Variants in REC114 observed in about 807,000 individuals in gnomAD.
The protein encoded by REC114 is REC114 meiotic recombination protein.
A neutral mutation model predicts 31.3 loss-of-function variants in REC114; 27 were observed. The observed-to-expected ratio is 0.86, with a 90% confidence interval of 0.64 to 1.19. The LOEUF is 1.19. Among genes scored for constraint, REC114 ranks in the 50% most tolerant of loss-of-function variants. The probability of loss-of-function intolerance (pLI) is 0.00; values close to 1 mark genes in which losing one functional copy is unlikely to be tolerated. For missense variants in REC114, 344 were observed against 326.9 expected, an observed-to-expected ratio of 1.05 and a Z score of -0.40; for synonymous variants, 134 against 127.7, an observed-to-expected ratio of 1.05 and a Z score of -0.33.
intron 1 of REC114, among the ~76,000 whole-genome samples, chr15:73,443,904 C>A (rs140305241): frequency 5.8e-4 from 89 of 152,260 alleles, no homozygotes; most frequent in Non-Finnish European, 7.2e-4. Flanking sequence ...TACAGGCCCT[C>A]AGAAATATTG....
chr15:73,523,068 C>T (rs1015797664), intron 2 of REC114, among the ~76,000 whole-genome samples: 8 of 152,050 alleles, frequency 5.3e-5, no homozygotes, highest in Non-Finnish European at 1.0e-4. Context: ...TTAGTATTAT[C>T]TTCCTTTGTG....
chr15:73,464,414 C>A (rs1202423304), intron 1 of REC114, among the ~76,000 whole-genome samples: 2 of 151,884 alleles, frequency 1.3e-5, no homozygotes, highest in African/African-American at 4.8e-5. Flanking sequence ...GCAGCTTGTT[C>A]CCCCGGGAGC....
intron 2 of REC114, among the ~76,000 whole-genome samples, chr15:73,514,506 AT>A (rs1893831744): frequency 6.6e-6 from 1 of 152,080 alleles, no homozygotes; most frequent in Non-Finnish European, 1.5e-5. Context: ...ACCCAATTCT[AT>A]TTCTCCAAAT....
intron 2 of REC114, among the ~76,000 whole-genome samples, chr15:73,488,823 G>A (rs1247007629): frequency 6.6e-6 from 1 of 152,028 alleles, no homozygotes; most frequent in Non-Finnish European, 1.5e-5. Flanking sequence ...AGCAATATGG[G>A]CCTTTTCCAG....
chr15:73,493,018 A>T (rs1044059651), intron 2 of REC114, among the ~76,000 whole-genome samples: 58 of 145,806 alleles, frequency 4.0e-4, no homozygotes, highest in South Asian at 6.5e-4. Flanking sequence ...TTTTATTTTT[A>T]TTTATTTATT....
intron 2 of REC114, among the ~76,000 whole-genome samples, chr15:73,528,281 C>T (rs1427376010): frequency 6.6e-6 from 1 of 151,992 alleles, no homozygotes; most frequent in Non-Finnish European, 1.5e-5. Context: ...ATTTTGCAAC[C>T]CCAGATGAAT....
intron 1 of REC114, among the ~76,000 whole-genome samples, chr15:73,462,000 C>G (rs544285624): frequency 1.7e-4 from 24 of 140,852 alleles, no homozygotes; most frequent in African/African-American, 5.9e-4. Flanking sequence ...GGTGCGATCT[C>G]GGCTCACTGC....
In REC114 at chr15:73,551,141, G is replaced by A; in HGVS notation, c.537G>A (p.Arg179=). 6.2e-7 allele frequency: 1 copy of A among 1,603,854 alleles called. No homozygotes were observed. The highest frequency in any genetic ancestry group is 8.5e-7 in the Non-Finnish European group (1 of 1,175,244). The change falls in exon 4 of 6, where the codon CGG becomes CGA. Residue 179 remains arginine (R), a synonymous_variant. Transcript: ENST00000331090. ...QGKDSAKSVP[R]QPGSHQHSEQ... is the part of the protein sequence containing the mutation. ...AGGATTCTGCAAAGAGTGTCCCACG[G>A]CAGCCTGGAGTAAGTAGGCTGATGT... is the stretch of plus-strand genomic sequence containing the variant.
chr15:73,513,179 C>CTTCATTTCA (rs1372321701), intron 2 of REC114, among the ~76,000 whole-genome samples: 3 of 147,736 alleles, frequency 2.0e-5, no homozygotes, highest in Non-Finnish European at 3.0e-5. Flanking sequence ...TCCCTTCTCG[C>CTTCATTTCA]TTCATTTCAT....
At chr15:73,444,449 A>G (rs1892739871) in intron 1 of REC114, among the ~76,000 whole-genome samples, 1 of 152,248 alleles carries the variant, frequency 6.6e-6, no homozygotes, top group Non-Finnish European at 1.5e-5. Context: ...AGTAGATGCC[A>G]TCTTAGGAAA....
At chr15:73,481,559 C>G (rs1893293679) in intron 2 of REC114, among the ~76,000 whole-genome samples, 2 of 150,768 alleles carry the variant, frequency 1.3e-5, no homozygotes, top group Non-Finnish European at 3.0e-5. Flanking sequence ...AGAGTTTGAA[C>G]AGATTCTCCC....
chr15:73,444,527 A>C (rs2151248774), intron 1 of REC114, among the ~76,000 whole-genome samples: 1 of 152,294 alleles, frequency 6.6e-6, no homozygotes, highest in Middle Eastern at 3.4e-3. Context: ...AAATTATAGC[A>C]ATTCAGTCCC....
chr15:73,524,097 G>A (rs1893975284), intron 2 of REC114, among the ~76,000 whole-genome samples: 1 of 152,128 alleles, frequency 6.6e-6, no homozygotes. Flanking sequence ...CTACTAACTT[G>A]TTATAACATG....
At chr15:73,555,718 G>A (rs1453585322) in intron 4 of REC114, among the ~76,000 whole-genome samples, 1 of 152,080 alleles carries the variant, frequency 6.6e-6, no homozygotes, top group Non-Finnish European at 1.5e-5. Flanking sequence ...GGTATAAACA[G>A]TTGTTGAAAG....
At chr15:73,462,749 G>A (rs1893006001) in intron 1 of REC114, among the ~76,000 whole-genome samples, 2 of 151,982 alleles carry the variant, frequency 1.3e-5, no homozygotes, top group Non-Finnish European at 2.9e-5. Flanking sequence ...GCCGGGCATG[G>A]TAGCGGGCAC....
intron 2 of REC114, among the ~76,000 whole-genome samples, chr15:73,505,713 T>C (rs918246530): frequency 3.3e-5 from 5 of 152,120 alleles, no homozygotes; most frequent in East Asian, 1.9e-4. Context: ...TTGTATGTTT[T>C]AGTAGAGACA....
chr15:73,524,101 T>C (rs1893975350), intron 2 of REC114, among the ~76,000 whole-genome samples: 1 of 152,210 alleles, frequency 6.6e-6, no homozygotes, highest in East Asian at 1.9e-4. Context: ...TAACTTGTTA[T>C]AACATGTCTG....
chr15:73,550,868 A>C (rs1290270862), intron 3 of REC114, 70 bp from the exon 4 acceptor site: 4 of 1,437,168 alleles, frequency 2.8e-6, no homozygotes, highest in Non-Finnish European at 3.9e-6. Context: ...GGAAACACTC[A>C]GTGGAAGACC....
intron 1 of REC114, among the ~76,000 whole-genome samples, chr15:73,460,340 GATTT>G (rs779721891): frequency 2.6e-5 from 4 of 151,990 alleles, no homozygotes; most frequent in Admixed American, 6.6e-5. Context: ...TCATTTTTAG[GATTT>G]ATTCTTTATC....
Sources: gnomAD v4.1 joint callset for allele counts (sites outside exome capture counted in the v4.1 genomes callset) on GRCh38, gnomAD v4.1.1 for gene constraint, MANE v1.5 for transcripts, NCBI Gene and HGNC (gene_info 2026-07-23, HGNC 2026-07-21) for gene names.